Variants in SLC5A11 observed in about 807,000 individuals in gnomAD.
SLC5A11 encodes the protein solute carrier family 5 member 11.
A neutral mutation model predicts 69.8 loss-of-function variants in SLC5A11; 48 were observed. That is an observed-to-expected ratio of 0.69 (90% CI 0.55 to 0.87). The LOEUF is 0.87. SLC5A11 is among the 40% of genes least tolerant of loss of function. The pLI is 0.00. For missense variants in SLC5A11, 784 were observed against 866.1 expected, an observed-to-expected ratio of 0.91 and a Z score of 1.19; for synonymous variants, 319 against 342.4, an observed-to-expected ratio of 0.93 and a Z score of 0.75.
exon 9 of SLC5A11, chr16:24,891,020 G>A (rs755319148): frequency 9.9e-6 from 16 of 1,614,000 alleles, no homozygotes; most frequent in South Asian, 2.2e-5. Flanking sequence ...TCCCGTGGCC[G>A]GGGGTCCTAT....
At chr16:24,905,348 G>A (rs2049954566) in intron 10 of SLC5A11, among the ~76,000 whole-genome samples, 1 of 151,190 alleles carries the variant, frequency 6.6e-6, no homozygotes, top group African/African-American at 2.4e-5. Flanking sequence ...GGAGGCTTAG[G>A]CAGGAGAATC....
At chr16:24,905,471 T>A (rs2049967372) in intron 10 of SLC5A11, among the ~76,000 whole-genome samples, 1 of 150,836 alleles carries the variant, frequency 6.6e-6, no homozygotes, top group East Asian at 1.9e-4. Flanking sequence ...AATAAAAAAA[T>A]TAATTAAAGA....
At chr16:24,857,114 C>T (rs2059570378) in intron 1 of SLC5A11, among the ~76,000 whole-genome samples, 1 of 152,226 alleles carries the variant, frequency 6.6e-6, no homozygotes, top group Non-Finnish European at 1.5e-5. Flanking sequence ...GCCACTGAGC[C>T]CGGCCAAGGT....
intron 7 of SLC5A11, among the ~76,000 whole-genome samples, chr16:24,881,507 T>C (rs1250543795): frequency 1.3e-5 from 2 of 152,094 alleles, no homozygotes; most frequent in Non-Finnish European, 2.9e-5. Flanking sequence ...AGGCTGGTCT[T>C]GAACTCCTGG....
intron 8 of SLC5A11, among the ~76,000 whole-genome samples, chr16:24,888,783 CTTTTTTTTTTTTT>C (rs1169015317): frequency 1.7e-4 from 8 of 45,756 alleles, no homozygotes; most frequent in Non-Finnish European, 3.2e-4. Context: ...CGTGCCTGTC[CTTTTTTTTTTTTT>C]TTTTTTTTTT....
At chr16:24,869,963 A>G (rs757416769) in exon 4 of SLC5A11, 6 of 1,614,146 alleles carry the variant, frequency 3.7e-6, no homozygotes, top group Non-Finnish European at 5.1e-6. Context: ...TGGCAGGGTC[A>G]GGTGCTGCTA....
At chr16:24,908,122 C>A in exon 13 of SLC5A11, 1 of 1,591,486 alleles carries the variant, frequency 6.3e-7, no homozygotes, top group South Asian at 1.1e-5. Context: ...GGAAGAGGAC[C>A]AATGAAAAGG....
chr16:24,890,879 G>A (rs756403795), exon 9 of SLC5A11: 12 of 1,613,982 alleles, frequency 7.4e-6, no homozygotes, highest in African/African-American at 1.3e-5. Context: ...GTTTCGCCGC[G>A]GTTGGTGGGA....
intron 4 of SLC5A11, among the ~76,000 whole-genome samples, chr16:24,870,667 C>G (rs1436658318): frequency 6.7e-6 from 1 of 150,366 alleles, no homozygotes; most frequent in Non-Finnish European, 1.5e-5. Context: ...GTAATCCTAG[C>G]TACTCAGGAG....
intron 1 of SLC5A11, among the ~76,000 whole-genome samples, chr16:24,849,588 AAAAAAAT>A (rs1421600963): frequency 0.028 from 2,766 of 98,718 alleles, 44 homozygotes; most frequent in Non-Finnish European, 0.038. Context: ...AAAAAAAAAA[AAAAAAAT>A]ATATATATAT....
chr16:24,907,241 T>G, intron 12 of SLC5A11, 66 bp downstream of exon 13: 1 of 1,581,254 alleles, frequency 6.3e-7, no homozygotes, highest in East Asian at 2.2e-5. Context: ...AGAGGCAAAG[T>G]CCAGGTTCAG....
chr16:24,896,011 CT>C (rs2049136737), intron 9 of SLC5A11, among the ~76,000 whole-genome samples: 2 of 151,356 alleles, frequency 1.3e-5, no homozygotes, highest in Admixed American at 1.3e-4. Context: ...TTAGTGAGGA[CT>C]CATTTAGTTG....
chr16:24,905,248 A>T (rs1484912860), intron 10 of SLC5A11, among the ~76,000 whole-genome samples: 2 of 131,364 alleles, frequency 1.5e-5, no homozygotes, highest in East Asian at 4.6e-4. Context: ...ACATGATGGA[A>T]CCCCGTCTCT....
At chr16:24,849,592 AAATATATATATAT>A (rs1468521344) in intron 1 of SLC5A11, among the ~76,000 whole-genome samples, 3 of 82,492 alleles carry the variant, frequency 3.6e-5, no homozygotes, top group Non-Finnish European at 4.9e-5. Flanking sequence ...AAAAAAAAAA[AAATATATATATAT>A]ATATATATAT....
chr16:24,869,019 C>T (rs1361400068), intron 3 of SLC5A11, among the ~76,000 whole-genome samples: 1 of 152,034 alleles, frequency 6.6e-6, no homozygotes, highest in Non-Finnish European at 1.5e-5. Flanking sequence ...AGGCATGTGT[C>T]ACCACGCTCA....
chr16:24,906,598 C>A, intron 10 of SLC5A11, 59 bp from the exon 12 acceptor site: 1 of 1,142,672 alleles, frequency 8.8e-7, no homozygotes, highest in Non-Finnish European at 1.3e-6. Context: ...CCCATGTTGC[C>A]TGGGCCTGGG....
chr16:24,908,903 C>T lies in SLC5A11; in HGVS notation c.1457C>T (p.Ser486Leu), dbSNP rs372842024. 38 of 1,613,622 alleles carry T rather than the reference C, an allele frequency of 2.4e-5. No individual in the cohort carries two copies. Among genetic ancestry groups the T allele is most frequent in the South Asian group, 1.5e-4 (14 of 91,066 alleles). ...CAGGGTGCCTTCTGGGGCCTGATCTCGGGCCTGCTCCTGGGCTTGGTTAGG... is the reference window on the plus strand; with the variant it reads ...CAGGGTGCCTTCTGGGGCCTGATCTTGGGCCTGCTCCTGGGCTTGGTTAGG... Residue 486 changes from serine to leucine, a missense_variant, in exon 14 of 16, where the codon TCG becomes TTG. Coordinates refer to ENST00000347898, the Ensembl canonical transcript of SLC5A11.
At chr16:24,870,998 C>T (rs187558740) in intron 4 of SLC5A11, among the ~76,000 whole-genome samples, 2 of 151,988 alleles carry the variant, frequency 1.3e-5, no homozygotes, top group Admixed American at 6.6e-5. Flanking sequence ...TATAGCAGGG[C>T]TCATTTGGGA....
chr16:24,886,766 A>C (rs1251905297), intron 8 of SLC5A11, among the ~76,000 whole-genome samples: 2 of 152,132 alleles, frequency 1.3e-5, no homozygotes, highest in African/African-American at 2.4e-5. Flanking sequence ...CTGGACAACA[A>C]AGCAAGACCC....
Sources: allele counts gnomAD v4.1 joint callset (sites outside exome capture counted in the v4.1 genomes callset), GRCh38; gene constraint gnomAD v4.1.1; transcripts MANE v1.5; gene names NCBI Gene and HGNC (gene_info 2026-07-23, HGNC 2026-07-21).